SYT1: variants seen among roughly 807,000 people sequenced by gnomAD.
The protein encoded by SYT1 is synaptotagmin-1.
A neutral mutation model predicts 44.8 loss-of-function variants in SYT1; 8 were observed. That is an observed-to-expected ratio of 0.18 (90% CI 0.10 to 0.32). The LOEUF (loss-of-function observed/expected upper bound fraction) is 0.32. Ranked by LOEUF, SYT1 falls within the 10% of genes least tolerant of loss-of-function variation. SYT1 has a pLI of 1.00. For missense variants in SYT1, 286 were observed against 509.3 expected (o/e 0.56, Z 4.22); for synonymous variants, 154 against 188.8 (o/e 0.82, Z 1.51).
At chr12:79,328,621 C>CGGT (rs1881712513) in intron 8 of SYT1, among the ~76,000 whole-genome samples, 1 of 152,000 alleles carries the variant, frequency 6.6e-6, no homozygotes, top group African/African-American at 2.4e-5. Flanking sequence ...CTGAGGCGGG[C>CGGT]AGATCACGAG....
At chr12:79,239,062 G>A (rs1465053) in intron 4 of SYT1, among the ~76,000 whole-genome samples, 108,937 of 152,114 alleles carry the variant, frequency 0.72, 39,600 homozygotes, top group African/African-American at 0.8. Context: ...TTGATATTTT[G>A]TATGTACTGC....
chr12:78,895,284 T>C (rs1307819764), intron 1 of SYT1, among the ~76,000 whole-genome samples: 7 of 151,706 alleles, frequency 4.6e-5, no homozygotes, highest in Non-Finnish European at 3.0e-5. Context: ...ACATTTAGGA[T>C]TATAGGATTA....
chr12:79,225,889 C>T (rs1875488147), intron 4 of SYT1, among the ~76,000 whole-genome samples: 1 of 152,106 alleles, frequency 6.6e-6, no homozygotes. Flanking sequence ...ATTTCCTGTC[C>T]CCCATCCTTG....
At chr12:79,018,444 T>C (rs1191330976) in intron 2 of SYT1, among the ~76,000 whole-genome samples, 1 of 152,024 alleles carries the variant, frequency 6.6e-6, no homozygotes, top group Non-Finnish European at 1.5e-5. Context: ...TATACATATG[T>C]AACAAACCTG....
intron 2 of SYT1, among the ~76,000 whole-genome samples, chr12:79,007,846 T>C (rs1004476646): frequency 1.3e-5 from 2 of 152,096 alleles, no homozygotes; most frequent in Non-Finnish European, 2.9e-5. Flanking sequence ...GATTCTGAGA[T>C]AGGAAATGCA....
At chr12:78,894,384 T>C (rs1283903263) in intron 1 of SYT1, among the ~76,000 whole-genome samples, 7 of 118,362 alleles carry the variant, frequency 5.9e-5, no homozygotes, top group Admixed American at 1.2e-4. Flanking sequence ...CATAATGTAG[T>C]AGCAAATGTC....
intron 3 of SYT1, among the ~76,000 whole-genome samples, chr12:79,100,453 G>A (rs959179798): frequency 6.6e-6 from 1 of 152,028 alleles, no homozygotes; most frequent in Non-Finnish European, 1.5e-5. Context: ...AGGAACCAAG[G>A]TAAGGAGGAG....
chr12:79,000,489 G>A (rs1316230340), intron 2 of SYT1, among the ~76,000 whole-genome samples: 1 of 151,858 alleles, frequency 6.6e-6, no homozygotes, highest in African/African-American at 2.4e-5. Flanking sequence ...AGTAGAGACG[G>A]GGTTTCACTG....
chr12:79,023,173 A>C (rs1157960948), intron 2 of SYT1, among the ~76,000 whole-genome samples: 1 of 151,902 alleles, frequency 6.6e-6, no homozygotes, highest in Non-Finnish European at 1.5e-5. Context: ...CAGGGCTTTC[A>C]AAGACAACTT....
intron 4 of SYT1, among the ~76,000 whole-genome samples, chr12:79,241,860 G>A (rs892393265): frequency 6.6e-6 from 1 of 152,088 alleles, no homozygotes; most frequent in African/African-American, 2.4e-5. Flanking sequence ...AGGTCATACC[G>A]AAGTAATGCC....
In SYT1 at chr12:79,329,166, C is replaced by T. The variant is rs536906411; in HGVS notation, c.811-24336C>T. Among the ~76,000 whole-genome samples, 272 of 152,262 alleles carry T rather than the reference C, an allele frequency of 1.8e-3. 1 individual carries two copies. The highest frequency in any genetic ancestry group is 6.2e-3 in the African/African-American group (258 of 41,546). On this transcript the variant is annotated intron_variant, in intron 8 of 10. Coordinates refer to ENST00000261205, the MANE Select transcript of SYT1 (RefSeq NM_005639.3). ...AAGCACAAGATTCAGTGGACTTCAGCTCTGAAAGACCCACTGGGTGAGGAG... is the reference window on the plus strand; with the variant it reads ...AAGCACAAGATTCAGTGGACTTCAGTTCTGAAAGACCCACTGGGTGAGGAG...
At chr12:78,921,946 A>G (rs1349475617) in intron 1 of SYT1, among the ~76,000 whole-genome samples, 24 of 151,862 alleles carry the variant, frequency 1.6e-4, no homozygotes. Context: ...ATTTAGGTCT[A>G]AGAGAAGGTA....
chr12:78,983,788 G>A (rs889971781), intron 2 of SYT1, among the ~76,000 whole-genome samples: 1 of 152,018 alleles, frequency 6.6e-6, no homozygotes, highest in Non-Finnish European at 1.5e-5. Context: ...AAGAAGAATA[G>A]CAATGTAAGA....
chr12:79,110,560 A>G lies in SYT1; in HGVS notation c.-18+63198A>G, dbSNP rs533291837. Among the ~76,000 whole-genome samples, 9 of 152,266 alleles carry G rather than the reference A, an allele frequency of 5.9e-5. No homozygotes were observed. In the South Asian group the frequency reaches 1.9e-3, roughly 32 times the overall value. ...AGCATGTTTTCACTTTCATTCTAAAACTAATTATTGATATCAGAAATTTGT... is the reference window on the plus strand; with the variant it reads ...AGCATGTTTTCACTTTCATTCTAAAGCTAATTATTGATATCAGAAATTTGT... On this transcript the variant is annotated intron_variant, in intron 3 of 10. Coordinates refer to ENST00000261205, the MANE Select transcript of SYT1 (RefSeq NM_005639.3).
chr12:79,274,147 G>A (rs12578266), intron 4 of SYT1, among the ~76,000 whole-genome samples: 34,636 of 152,208 alleles, frequency 0.23, 5,020 homozygotes, highest in East Asian at 0.45. Context: ...TCTCAAGTGG[G>A]GATGAACCCC....
intron 3 of SYT1, among the ~76,000 whole-genome samples, chr12:79,133,352 C>T (rs966654204): frequency 6.6e-6 from 1 of 151,870 alleles, no homozygotes; most frequent in Non-Finnish European, 1.5e-5. Context: ...CCACTGCACT[C>T]CAGCCTGGGT....
intron 2 of SYT1, among the ~76,000 whole-genome samples, chr12:79,043,202 ATCTG>A (rs1873726967): frequency 2.0e-5 from 3 of 149,834 alleles, no homozygotes; most frequent in South Asian, 4.3e-4. Flanking sequence ...TGTCTTGTTG[ATCTG>A]TCTAATGTTG....
intron 4 of SYT1, among the ~76,000 whole-genome samples, chr12:79,234,315 A>C (rs1013026233): frequency 6.6e-6 from 1 of 152,236 alleles, no homozygotes; most frequent in Non-Finnish European, 1.5e-5. Context: ...ATACAATAAG[A>C]TGCACCCATT....
chr12:79,260,281 C>T (rs1361250667), intron 4 of SYT1, among the ~76,000 whole-genome samples: 1 of 152,200 alleles, frequency 6.6e-6, no homozygotes, highest in African/African-American at 2.4e-5. Context: ...TAACTTTACA[C>T]ACACACAAAC....
Sources: gnomAD v4.1 joint callset for allele counts (sites outside exome capture counted in the v4.1 genomes callset) on GRCh38, gnomAD v4.1.1 for gene constraint, MANE v1.5 for transcripts, NCBI Gene and HGNC (gene_info 2026-07-23, HGNC 2026-07-21) for gene names.